EP300: variants seen among roughly 807,000 people sequenced by gnomAD.
EP300 encodes the protein EP300 lysine acetyltransferase.
In EP300, 31 loss-of-function variants were observed where a neutral mutation model predicts 264.0. The ratio of observed to expected loss-of-function variants is 0.12; its 90% confidence interval spans 0.09 to 0.16. EP300 has a LOEUF of 0.16. EP300 is among the 10% of genes least tolerant of loss of function. The pLI is 1.00. For missense variants in EP300, 2,766 were observed against 3,052.9 expected (o/e 0.91, Z 2.21); for synonymous variants, 1,340 against 1,045.4 (o/e 1.28, Z -5.44).
At chr22:41,163,340 C>T (rs1020162323) in intron 21 of EP300, among the ~76,000 whole-genome samples, 3 of 147,336 alleles carry the variant, frequency 2.0e-5, no homozygotes, top group East Asian at 2.0e-4. Context: ...GAGGCTGAGG[C>T]AGGAGAATGG....
intron 1 of EP300, 136 bp downstream of exon 1, chr22:41,093,234 A>T: frequency 1.1e-6 from 1 of 897,462 alleles, no homozygotes; most frequent in Non-Finnish European, 1.7e-6. Context: ...TATTTGAATG[A>T]GCTGGTCGAA....
intron 6 of EP300, among the ~76,000 whole-genome samples, chr22:41,135,006 C>G (rs542182031): frequency 6.6e-6 from 1 of 152,286 alleles, no homozygotes; most frequent in South Asian, 2.1e-4. Context: ...CTCCTGGGTT[C>G]AAGCGATGCT....
intron 1 of EP300, among the ~76,000 whole-genome samples, chr22:41,101,493 G>A (rs2058731665): frequency 6.8e-6 from 1 of 146,708 alleles, no homozygotes; most frequent in Non-Finnish European, 1.5e-5. Context: ...CTCACTGCCA[G>A]CTCCGCCTCC....
At chr22:41,097,973 C>T (rs759489475) in intron 1 of EP300, among the ~76,000 whole-genome samples, 14 of 151,566 alleles carry the variant, frequency 9.2e-5, no homozygotes, top group Admixed American at 3.9e-4. Flanking sequence ...GGATTACAGG[C>T]GTGAGCCACC....
intron 28 of EP300, 27 bp downstream of exon 28, chr22:41,172,690 C>G (rs2145770661): frequency 6.2e-7 from 1 of 1,603,694 alleles, no homozygotes; most frequent in Non-Finnish European, 8.5e-7. Flanking sequence ...TCCTTTGAAA[C>G]TTCTATCATG....
chr22:41,115,630 G>C (rs964742415), intron 1 of EP300, among the ~76,000 whole-genome samples: 1 of 152,120 alleles, frequency 6.6e-6, no homozygotes, highest in African/African-American at 2.4e-5. Flanking sequence ...GGGTCTTGCT[G>C]TGTTGACCTG....
chr22:41,170,577 T>C lies in EP300; in HGVS notation c.4452+6T>C, dbSNP rs746063636. 4 of 1,613,588 alleles carry C rather than the reference T, an allele frequency of 2.5e-6. No individual in the cohort carries two copies. Among genetic ancestry groups the C allele is most frequent in the African/African-American group, 2.7e-5 (2 of 74,816 alleles). On this transcript the variant is annotated splice_donor_region_variant and intron_variant, in intron 27 of 30. Transcript: ENST00000263253. Reference sequence around the variant, plus strand: ...GTATTGTCCATGACTACAAGGTCAGTTGGGACATAGGGGCCAGGTGCTGAC... The same window carrying C: ...GTATTGTCCATGACTACAAGGTCAGCTGGGACATAGGGGCCAGGTGCTGAC...
rs182119508 is a variant in EP300, at chr22:41,128,303, A to G, written c.1168+555A>G. ...AACCTCGTCTCTACAAAAAAATACT[A>G]AAGAAAATCAGCCAGATGTCTGGGT... is the stretch of plus-strand genomic sequence containing the variant. On this transcript the variant is annotated intron_variant, in intron 4 of 30. Coordinates refer to ENST00000263253, the MANE Select transcript of EP300 (RefSeq NM_001429.4). Among the ~76,000 whole-genome samples the G allele has an allele frequency of 1.1e-3, 167 of 152,176 alleles. 1 individual carries two copies. Among genetic ancestry groups the G allele is most frequent in the Non-Finnish European group, 2.2e-3 (150 of 68,002 alleles).
rs1033190249 is a variant in EP300 at position 41,148,091 on chromosome 22, T to C, written c.2241+145T>C. On this transcript the variant is annotated intron_variant, in intron 12 of 30. Transcript: ENST00000263253. ...GTAATTCTTCTGTATTTAACTCTAC[T>C]AGAAAGCTGACCAAAAAACGAAAAC... 9 of 684,604 alleles carry C rather than the reference T, an allele frequency of 1.3e-5. No homozygotes were observed. The African/African-American group carries it at 1.4e-4, about 11-fold the overall frequency. 42.4% of individuals were successfully genotyped at this position (684,604 alleles called of 1,614,324 possible). A position where few individuals can be genotyped will look rare whatever the true frequency, so the allele number is the denominator to read the frequency against.
chr22:41,142,091 C>T (rs992349254), intron 10 of EP300, among the ~76,000 whole-genome samples: 2 of 152,160 alleles, frequency 1.3e-5, no homozygotes, highest in East Asian at 1.9e-4. Flanking sequence ...CTTACTCAAT[C>T]GTTGACTTAT....
intron 10 of EP300, among the ~76,000 whole-genome samples, chr22:41,142,048 A>C (rs192998499): frequency 6.6e-6 from 1 of 152,346 alleles, no homozygotes; most frequent in East Asian, 1.9e-4. Flanking sequence ...GACCTGATGA[A>C]TTAACCAGAT....
chr22:41,110,223 G>A (rs1049213431), intron 1 of EP300, among the ~76,000 whole-genome samples: 1 of 143,850 alleles, frequency 7.0e-6, no homozygotes, highest in African/African-American at 2.6e-5. Flanking sequence ...AACCTCCTGG[G>A]CTCAAGCAGG....
intron 18 of EP300, among the ~76,000 whole-genome samples, chr22:41,157,844 T>C (rs867813941): frequency 2.0e-5 from 3 of 152,308 alleles, no homozygotes; most frequent in East Asian, 1.9e-4. Context: ...TCTTACTGTG[T>C]GCCACAGTAG....
intron 1 of EP300, among the ~76,000 whole-genome samples, chr22:41,102,033 T>TC (rs1413702812): frequency 1.3e-4 from 20 of 150,658 alleles, no homozygotes; most frequent in Admixed American, 5.3e-4. Context: ...TCTTTTCTTT[T>TC]TTTTTTTTTT....
Position 41,179,003 on chromosome 22 carries a change from C to G in EP300, c.*47C>G. On this transcript the variant is annotated 3_prime_UTR_variant, in exon 31 of 31. Transcript: ENST00000263253. ...GAGCAAAAAAATTATTTTCTCTTAA[C>G]AAGACTTTTTGTACTGAAAACAATT... 14 of 1,604,518 alleles carry G rather than the reference C, an allele frequency of 8.7e-6. No homozygotes were observed. Among genetic ancestry groups the G allele is most frequent in the Non-Finnish European group, 1.2e-5 (14 of 1,176,576 alleles).
chr22:41,099,139 A>G (rs894210784), intron 1 of EP300, among the ~76,000 whole-genome samples: 11 of 152,130 alleles, frequency 7.2e-5, no homozygotes, highest in Middle Eastern at 3.4e-3. Flanking sequence ...ATCTCGGCCT[A>G]TGACAACCTC....
intron 6 of EP300, among the ~76,000 whole-genome samples, chr22:41,134,770 T>TTTCAGGCTTCCTTTTACCTC (rs2058940465): frequency 6.6e-6 from 1 of 152,244 alleles, no homozygotes. Flanking sequence ...AATCTTGCCT[T>TTTCAGGCTTCCTTTTACCTC]TTCAGGCTTC....
At chr22:41,141,768 C>T (rs1038279474) in intron 10 of EP300, among the ~76,000 whole-genome samples, 1 of 151,952 alleles carries the variant, frequency 6.6e-6, no homozygotes, top group African/African-American at 2.4e-5. Flanking sequence ...CCTCCGCCTC[C>T]CAGGTTCAAG....
rs878898787 is a variant in EP300 at position 41,155,227 on chromosome 22, AT to A, written c.3261+126del. The A allele has an allele frequency of 0.13, 80,686 of 630,310 alleles. 141 individuals are homozygous for A. Among genetic ancestry groups the A allele is most frequent in the East Asian group, 0.17 (4,384 of 26,382 alleles). The allele number at this position is 630,310 out of a possible 1,614,324, so 39.0% of individuals were successfully genotyped here. ...CTCATTTCAAATTTGTAATTCAGTG[AT>A]TTTTTTTTTTTCCCCCTGAGACAGG... On this transcript the variant is annotated intron_variant, in intron 17 of 30. Transcript: ENST00000263253.
Sources: allele counts gnomAD v4.1 joint callset (sites outside exome capture counted in the v4.1 genomes callset), GRCh38; gene constraint gnomAD v4.1.1; transcripts MANE v1.5; gene names NCBI Gene and HGNC (gene_info 2026-07-23, HGNC 2026-07-21).